Variants in CASZ1 observed in about 807,000 individuals in gnomAD.
The protein encoded by CASZ1 is zinc finger protein castor homolog 1.
CASZ1 carries 28 observed loss-of-function variants against 135.2 expected under a neutral mutation model. That is an observed-to-expected ratio of 0.21 (90% CI 0.15 to 0.28). The LOEUF is 0.28. Among genes scored for constraint, CASZ1 ranks in the 10% least tolerant of loss-of-function variants. The pLI is 1.00. For synonymous variants in CASZ1, 1,068 were observed against 1,073.4 expected (o/e 0.99, Z 0.10); for missense variants, 2,161 against 2,453.3 (o/e 0.88, Z 2.52).
intron 1 of CASZ1, among the ~76,000 whole-genome samples, chr1:10,763,259 T>C (rs976022429): frequency 6.6e-6 from 1 of 152,036 alleles, no homozygotes; most frequent in Non-Finnish European, 1.5e-5. Flanking sequence ...GGTGAAGAAG[T>C]GAGAAGCTGA....
Position 10,724,874 on chromosome 1 carries a change from CTCTT to C in CASZ1, c.-76-19334_-76-19331del, listed in dbSNP as rs1461477334. Among the ~76,000 whole-genome samples, 1 of 151,840 alleles carries C rather than the reference CTCTT, an allele frequency of 6.6e-6. No homozygotes were observed. The highest frequency in any genetic ancestry group is 1.9e-4 in the East Asian group (1 of 5,200). ...GGGGAAGAGAAGGTGCTCAACTTCT[CTCTT>C]TCTCCTCTTTCTCTGAAGTTTCCTT... On this transcript the variant is annotated intron_variant, in intron 2 of 20. Coordinates refer to ENST00000377022, the MANE Select transcript of CASZ1 (RefSeq NM_001079843.3). The surrounding 1 kb of genome is among the most constrained non-coding windows in gnomAD (Gnocchi z 4.1).
intron 13 of CASZ1, chr1:10,649,726 G>A (rs1465579894): frequency 1.7e-5 from 6 of 359,286 alleles, no homozygotes; most frequent in South Asian, 8.0e-5. Context: ...CAGGGTGCAC[G>A]CTGCAGCCCA....
chr1:10,669,309 G>A (rs1231635330), intron 4 of CASZ1, among the ~76,000 whole-genome samples: 2 of 152,196 alleles, frequency 1.3e-5, no homozygotes, highest in Admixed American at 6.5e-5. Context: ...AGGCCTCTCT[G>A]CGGGGACTCC....
intron 2 of CASZ1, among the ~76,000 whole-genome samples, chr1:10,716,036 A>T (rs1475947433): frequency 2.2e-5 from 2 of 89,350 alleles, no homozygotes; most frequent in Admixed American, 1.3e-4. Flanking sequence ...CCCAATCCAC[A>T]ACCCACAGCA....
rs570984447 is a variant in CASZ1, at chr1:10,755,595, C to T, written c.-77+5106G>A. On this transcript the variant is annotated intron_variant, in intron 2 of 20. Transcript: ENST00000377022. The surrounding 1 kb of genome is among the most constrained non-coding windows in gnomAD (Gnocchi z 4.3). ...TTCCCAATCCCTCTTCCCTGGGGCC[C>T]GTGCATGGCGAGATGCGGGGTTTTC... Among the ~76,000 whole-genome samples, 39 of 152,200 alleles carry T rather than the reference C, an allele frequency of 2.6e-4. No individual in the cohort carries two copies. In the East Asian group the frequency reaches 4.5e-3, roughly 17 times the overall value.
At chr1:10,730,394 T>C (rs1474726817) in intron 2 of CASZ1, among the ~76,000 whole-genome samples, 1 of 152,208 alleles carries the variant, frequency 6.6e-6, no homozygotes, top group Non-Finnish European at 1.5e-5. Flanking sequence ...TTAGGAAGTC[T>C]TGACCCTCGA....
chr1:10,718,275 G>A lies in CASZ1; in HGVS notation c.-76-12731C>T, dbSNP rs115644004. The stretch of plus-strand genomic sequence containing the variant: ...ACAAGACAGGCCTTCCTGTGTCCCC[G>A]TGCCCACTCCCACCTCCTCGGCCCT... On this transcript the variant is annotated intron_variant, in intron 2 of 20. Transcript: ENST00000377022. Among the ~76,000 whole-genome samples the A allele has an allele frequency of 9.9e-3, 1,507 of 152,310 alleles. 30 individuals carry two copies. The highest frequency in any genetic ancestry group is 0.033 in the African/African-American group (1,380 of 41,574).
intron 2 of CASZ1, among the ~76,000 whole-genome samples, chr1:10,712,467 A>G (rs1639304243): frequency 6.6e-6 from 1 of 152,238 alleles, no homozygotes; most frequent in Non-Finnish European, 1.5e-5. Flanking sequence ...GCTTTTTTAA[A>G]AAAGCAACTG....
chr1:10,730,363 A>T (rs1288827928), intron 2 of CASZ1, among the ~76,000 whole-genome samples: 5 of 152,272 alleles, frequency 3.3e-5, no homozygotes, highest in African/African-American at 1.2e-4. Context: ...TCCTTGATGA[A>T]GCTGCAAATA....
chr1:10,770,486 T>C (rs12074319), intron 1 of CASZ1, among the ~76,000 whole-genome samples: 4,991 of 151,558 alleles, frequency 0.033, 133 homozygotes, highest in African/African-American at 0.072. Context: ...TAAAAGGAGG[T>C]AATTCCTTTT....
In CASZ1 at chr1:10,636,756, C is replaced by T. The variant is rs948334581; in HGVS notation, c.*2186G>A. On this transcript the variant is annotated 3_prime_UTR_variant, in exon 21 of 21. Transcript: ENST00000377022. ...TATTCAGTTCTTAATAACCAGGTGC[C>T]GAGGAGACCAGATTCAAGTAATCAG... The T allele has an allele frequency of 3.9e-5, 6 of 152,064 alleles. No individual in the cohort carries two copies. The highest frequency in any genetic ancestry group is 5.9e-5 in the Non-Finnish European group (4 of 67,978). 9.4% of individuals were successfully genotyped at this position (152,064 alleles called of 1,614,324 possible). A position where few individuals can be genotyped will look rare whatever the true frequency, so the allele number is the denominator to read the frequency against.
intron 2 of CASZ1, among the ~76,000 whole-genome samples, chr1:10,731,462 G>C (rs1251147395): frequency 4.6e-5 from 7 of 151,240 alleles, no homozygotes; most frequent in Admixed American, 4.6e-4. Flanking sequence ...GCATGCGCCT[G>C]TGCTCCCAGC....
intron 4 of CASZ1, among the ~76,000 whole-genome samples, chr1:10,675,437 CG>C (rs1643536924): frequency 6.6e-6 from 1 of 151,780 alleles, no homozygotes; most frequent in Non-Finnish European, 1.5e-5. Context: ...TGCGAGCAGG[CG>C]GGGTGGTCTG....
intron 1 of CASZ1, among the ~76,000 whole-genome samples, chr1:10,796,342 C>T (rs1281485330): frequency 7.9e-5 from 12 of 152,152 alleles, no homozygotes; most frequent in Admixed American, 7.9e-4. Context: ...GCCCTCCGTG[C>T]CCCCTGCCTC....
intron 3 of CASZ1, among the ~76,000 whole-genome samples, chr1:10,704,727 C>A (rs1338382820): frequency 1.3e-5 from 2 of 152,266 alleles, no homozygotes; most frequent in African/African-American, 4.8e-5. Flanking sequence ...CTGCAGCCAG[C>A]CAGCTCGCCC....
chr1:10,644,828 G>A (rs928499702), intron 18 of CASZ1, 89 bp downstream of exon 18: 74 of 1,361,944 alleles, frequency 5.4e-5, no homozygotes, highest in Non-Finnish European at 7.0e-5. Context: ...GGAACAGGAC[G>A]CGGGTACCAG....
Position 10,794,690 on chromosome 1 carries a change from C to T in CASZ1, c.-234+1874G>A, listed in dbSNP as rs746127301. ...CACTAGCCTCCCCCAACTCCGGACC[C>T]GGGTCGGGGATGACTTGGAAGAAGA... On this transcript the variant is annotated intron_variant, in intron 1 of 20. Transcript: ENST00000377022. The surrounding 1 kb of genome is among the most constrained non-coding windows in gnomAD (Gnocchi z 5.6). 9.2e-5 allele frequency among the ~76,000 whole-genome samples: 14 copies of T among 152,194 alleles called. No individual in the cohort carries two copies. The highest frequency in any genetic ancestry group is 3.4e-4 in the African/African-American group (14 of 41,446).
chr1:10,717,521 C>T lies in CASZ1; in HGVS notation c.-76-11977G>A, dbSNP rs936610401. ...TTCCTTATCGCACTGACACAAAGTG[C>T]ATTTAAAGAGACAGACACCCTGTCC... is the stretch of plus-strand genomic sequence containing the variant. On this transcript the variant is annotated intron_variant, in intron 2 of 20. Coordinates refer to ENST00000377022, the MANE Select transcript of CASZ1 (RefSeq NM_001079843.3). This position sits in a 1 kb window ranked among gnomAD's most constrained non-coding sequence, Gnocchi z 4.6. Among the ~76,000 whole-genome samples the T allele has an allele frequency of 1.2e-4, 18 of 152,094 alleles. No individual in the cohort carries two copies. Among genetic ancestry groups the T allele is most frequent in the African/African-American group, 4.3e-4 (18 of 41,396 alleles).
intron 4 of CASZ1, among the ~76,000 whole-genome samples, chr1:10,692,819 T>G (rs1638811085): frequency 6.6e-6 from 1 of 152,196 alleles, no homozygotes; most frequent in African/African-American, 2.4e-5. Context: ...GGGCCTATTA[T>G]AAACAACAAC....
Sources: gnomAD v4.1 joint callset for allele counts (sites outside exome capture counted in the v4.1 genomes callset) on GRCh38, gnomAD v4.1.1 for gene constraint, Gnocchi (gnomAD v3.1) non-coding constraint, MANE v1.5 for transcripts, NCBI Gene and HGNC (gene_info 2026-07-23, HGNC 2026-07-21) for gene names.